PCGF3: variants seen among roughly 807,000 people sequenced by gnomAD.
The protein encoded by PCGF3 is polycomb group RING finger protein 3.
Under a neutral mutation model 33.1 loss-of-function variants are expected in PCGF3, and 7 were observed. The observed-to-expected ratio is 0.21, with a 90% CI of 0.12 to 0.40. PCGF3 has a LOEUF of 0.40. Ranked by LOEUF, PCGF3 falls within the 10% of genes least tolerant of loss-of-function variation. The pLI, the probability that PCGF3 is intolerant of heterozygous loss-of-function variation, is 1.00. For missense variants in PCGF3, 211 were observed against 313.3 expected (o/e 0.67, Z 2.46); for synonymous variants, 153 against 121.3 (o/e 1.26, Z -1.72).
At chr4:710,209 G>T (rs1464437018) in intron 1 of PCGF3, among the ~76,000 whole-genome samples, 1 of 152,214 alleles carries the variant, frequency 6.6e-6, no homozygotes, top group Non-Finnish European at 1.5e-5. Context: ...TCCCATCTGG[G>T]GTTGTGTCTC....
chr4:723,542 G>C (rs926647097), intron 1 of PCGF3: 1 of 157,282 alleles, frequency 6.4e-6, no homozygotes, highest in Non-Finnish European at 1.4e-5. Context: ...TGTGGACGTG[G>C]AGCTTGTGAG....
intron 3 of PCGF3, chr4:732,341 C>T (rs1365995803): frequency 6.5e-6 from 1 of 153,752 alleles, no homozygotes; most frequent in Non-Finnish European, 1.4e-5. Context: ...TCCCTCCTCC[C>T]CTCCCTTCCC....
chr4:760,703 T>C (rs1006899779), intron 8 of PCGF3, among the ~76,000 whole-genome samples: 3 of 152,242 alleles, frequency 2.0e-5, no homozygotes, highest in African/African-American at 7.2e-5. Context: ...GGCCGGGCCC[T>C]TGGGTGAAGC....
chr4:755,873 C>G (rs1744744062), intron 8 of PCGF3, among the ~76,000 whole-genome samples: 1 of 150,108 alleles, frequency 6.7e-6, no homozygotes, highest in African/African-American at 2.5e-5. Flanking sequence ...AGAGTACATA[C>G]CCCTCCTCAT....
chr4:757,692 C>A (rs577435615), intron 8 of PCGF3: 1 of 152,260 alleles, frequency 6.6e-6, no homozygotes, highest in South Asian at 2.1e-4. Flanking sequence ...TGAGTTGGTT[C>A]CTGCTTTATT....
chr4:740,268 C>T (rs531309610), intron 6 of PCGF3, among the ~76,000 whole-genome samples: 3 of 152,256 alleles, frequency 2.0e-5, no homozygotes, highest in Admixed American at 6.5e-5. Context: ...AGGCCCTCAA[C>T]GCTGTCCCCG....
chr4:731,313 A>G, intron 3 of PCGF3: 1 of 398,482 alleles, frequency 2.5e-6, no homozygotes, highest in Non-Finnish European at 4.4e-6. Context: ...CCTCGATGGC[A>G]GTGCGGGGTG....
intron 1 of PCGF3, among the ~76,000 whole-genome samples, chr4:727,063 TC>T (rs1443958197): frequency 6.6e-6 from 1 of 152,168 alleles, no homozygotes; most frequent in African/African-American, 2.4e-5. Flanking sequence ...CCTGCGTTGC[TC>T]ACTCTCACTG....
intron 1 of PCGF3, among the ~76,000 whole-genome samples, chr4:716,242 T>C (rs1391787984): frequency 4.4e-5 from 5 of 113,552 alleles, no homozygotes; most frequent in Admixed American, 8.9e-5. Flanking sequence ...CTAGACACTG[T>C]GAGTGTGAGA....
intron 8 of PCGF3, among the ~76,000 whole-genome samples, chr4:751,915 G>C (rs1744532383): frequency 6.6e-6 from 1 of 152,254 alleles, no homozygotes; most frequent in Admixed American, 6.5e-5. Flanking sequence ...CCACTGGTGG[G>C]CACTCAGCCT....
intron 8 of PCGF3, among the ~76,000 whole-genome samples, chr4:754,195 G>A (rs1390252274): frequency 6.6e-6 from 1 of 152,244 alleles, no homozygotes; most frequent in South Asian, 2.1e-4. Flanking sequence ...TGAGCAGGCT[G>A]GGGGTTCTGG....
At chr4:752,212 C>T (rs955802604) in intron 8 of PCGF3, among the ~76,000 whole-genome samples, 1 of 152,242 alleles carries the variant, frequency 6.6e-6, no homozygotes, top group African/African-American at 2.4e-5. Flanking sequence ...GCTGTTCCCT[C>T]CTGAGGTCCC....
chr4:732,324 CTCCCCTTCCCTCCTCCCCTCCCTTCCCT>C (rs1743615989), intron 3 of PCGF3: 1 of 155,096 alleles, frequency 6.4e-6, no homozygotes, highest in Non-Finnish European at 1.4e-5. Context: ...CTACCCTCCC[CTCCCCTTCCCTCCTCCCCTCCCTTCCCT>C]TCCCCTCCCC....
intron 1 of PCGF3, among the ~76,000 whole-genome samples, chr4:726,207 G>A (rs375487910): frequency 1.1e-4 from 16 of 152,188 alleles, no homozygotes; most frequent in African/African-American, 3.9e-4. Flanking sequence ...GCATTTCCCA[G>A]TTCACTGATA....
rs1332706789 is a variant in PCGF3, at chr4:721,216, AG to A, written c.-189-9412del. On this transcript the variant is annotated intron_variant, in intron 1 of 10. Coordinates refer to ENST00000362003, the Ensembl canonical transcript of PCGF3. The surrounding 1 kb of genome is among the most constrained non-coding windows in gnomAD (Gnocchi z 4.1). ...CCCTGATTCTCATGGTTCCCCAGTG[AG>A]GCTGTTCCACGGTGGCACAGGACAC... 1.3e-5 allele frequency among the ~76,000 whole-genome samples: 2 copies of A among 152,156 alleles called. No individual in the cohort carries two copies. Among genetic ancestry groups the A allele is most frequent in the Non-Finnish European group, 2.9e-5 (2 of 68,020 alleles).
exon 1 of PCGF3, chr4:705,883 G>C (rs893577456): frequency 2.0e-5 from 3 of 152,008 alleles, no homozygotes; most frequent in Non-Finnish European, 1.5e-5. Context: ...TCCTCCTCTT[G>C]GGGGGGACCC....
chr4:707,496 G>A (rs117021924), intron 1 of PCGF3, among the ~76,000 whole-genome samples: 8,245 of 119,328 alleles, frequency 0.069, 561 homozygotes, highest in East Asian at 0.11. Flanking sequence ...CGGGACCCTG[G>A]GACAGCCTGT....
chr4:716,438 C>T (rs1327232165), intron 1 of PCGF3, among the ~76,000 whole-genome samples: 50 of 98,364 alleles, frequency 5.1e-4, no homozygotes, highest in South Asian at 1.0e-3. Context: ...AACTGGGCGT[C>T]GGTGCTGGGA....
At chr4:768,406 C>T (rs987057404) in exon 11 of PCGF3, 1 of 152,126 alleles carries the variant, frequency 6.6e-6, no homozygotes, top group Non-Finnish European at 1.5e-5. Context: ...TCTCATTTCA[C>T]AGAAAAAGGC....
Sources: allele counts gnomAD v4.1 joint callset (sites outside exome capture counted in the v4.1 genomes callset), GRCh38; gene constraint gnomAD v4.1.1; non-coding constraint Gnocchi (gnomAD v3.1); transcripts MANE v1.5; gene names NCBI Gene and HGNC (gene_info 2026-07-23, HGNC 2026-07-21).